Variants in FAM222B observed in about 807,000 individuals in gnomAD.
FAM222B encodes family with sequence similarity 222 member B, also known as protein FAM222B.
In FAM222B, 12 loss-of-function variants were observed where a neutral mutation model predicts 38.0. The ratio of observed to expected loss-of-function variants is 0.32; its 90% confidence interval spans 0.20 to 0.51. The LOEUF is 0.51. Among genes scored for constraint, FAM222B ranks in the 20% least tolerant of loss-of-function variants. FAM222B has a pLI of 0.97. For synonymous variants in FAM222B, 329 were observed against 317.2 expected (o/e 1.04, Z -0.40); for missense variants, 716 against 754.2 (o/e 0.95, Z 0.59).
chr17:28,764,679 G>A (rs569712706), intron 2 of FAM222B, among the ~76,000 whole-genome samples: 4 of 151,944 alleles, frequency 2.6e-5, no homozygotes, highest in African/African-American at 9.7e-5. Flanking sequence ...CCCAGAAGGC[G>A]GAGGTTGCGT....
chr17:28,813,209 T>A (rs2037882061), intron 1 of FAM222B, among the ~76,000 whole-genome samples: 2 of 148,698 alleles, frequency 1.3e-5, no homozygotes. Context: ...AAACATCCAA[T>A]GTATTTAGCT....
At chr17:28,821,220 C>T (rs867920184) in intron 1 of FAM222B, among the ~76,000 whole-genome samples, 7 of 151,942 alleles carry the variant, frequency 4.6e-5, no homozygotes, top group Middle Eastern at 3.2e-3. Context: ...TCCCAAAGTG[C>T]GGGATTACAG....
In FAM222B at chr17:28,756,430, G is replaced by C. The variant is rs1327304840; in HGVS notation, c.*1840C>G. On this transcript the variant is annotated 3_prime_UTR_variant, in exon 3 of 3. Coordinates refer to ENST00000581407, the MANE Select transcript of FAM222B (RefSeq NM_001077498.3). ...CCTAAAATAGCAGCTCACCTTTCAG[G>C]GAGAGGTATTGGGGAGGAAAAAAAA... 6.6e-6 allele frequency: 1 copy of C among 152,562 alleles called. No individual in the cohort carries two copies. The highest frequency in any genetic ancestry group is 1.9e-4 in the East Asian group (1 of 5,206). 9.5% of individuals were successfully genotyped at this position (152,562 alleles called of 1,614,324 possible). A position where few individuals can be genotyped will look rare whatever the true frequency, so the allele number is the denominator to read the frequency against.
Position 28,758,793 on chromosome 17 carries a change from G to A in FAM222B, c.1166C>T (p.Thr389Ile), listed in dbSNP as rs758943759. 1 of 1,577,526 alleles carries A rather than the reference G, an allele frequency of 6.3e-7. No homozygotes were observed. Among genetic ancestry groups the A allele is most frequent in the South Asian group, 1.1e-5 (1 of 86,962 alleles). Residue 389 changes from threonine to isoleucine, a missense_variant, in exon 3 of 3, where the codon ACA becomes ATA. Transcript: ENST00000581407. ...CTCGCGTCCTGCCGCATGCTTGCCT[G>A]TCAGGCCAGGGGCTGGCGTCCCACT... ...EASGTPAPGL[T>I]GKHAAGRELA... is the part of the protein sequence containing the mutation.
chr17:28,777,409 G>T (rs1415941226), intron 1 of FAM222B, among the ~76,000 whole-genome samples: 1 of 152,076 alleles, frequency 6.6e-6, no homozygotes, highest in Non-Finnish European at 1.5e-5. Flanking sequence ...CTCTGTCCGG[G>T]ATCTACTTAT....
At chr17:28,816,756 T>C (rs566990319) in intron 1 of FAM222B, among the ~76,000 whole-genome samples, 3 of 152,218 alleles carry the variant, frequency 2.0e-5, no homozygotes, top group South Asian at 2.1e-4. Flanking sequence ...ACACAGAGCA[T>C]AGAAACTTTG....
chr17:28,801,515 C>G (rs1021375497), intron 1 of FAM222B, among the ~76,000 whole-genome samples: 2 of 150,830 alleles, frequency 1.3e-5, no homozygotes, highest in Non-Finnish European at 3.0e-5. Context: ...AAAGCCAAAC[C>G]AGTATCTTTA....
At chr17:28,806,978 G>C (rs933985003) in intron 1 of FAM222B, among the ~76,000 whole-genome samples, 7 of 151,822 alleles carry the variant, frequency 4.6e-5, no homozygotes, top group African/African-American at 1.7e-4. Context: ...TAATTCACTG[G>C]ATAAAAACTA....
At chr17:28,796,994 CTTTTTTTTTT>C (rs34242589) in intron 1 of FAM222B, among the ~76,000 whole-genome samples, 2 of 81,606 alleles carry the variant, frequency 2.5e-5, no homozygotes, top group Non-Finnish European at 4.6e-5. Context: ...GTGGCTATTG[CTTTTTTTTTT>C]TTTTTTTTTT....
chr17:28,767,996 T>C (rs1208453351), intron 1 of FAM222B, among the ~76,000 whole-genome samples: 1 of 152,098 alleles, frequency 6.6e-6, no homozygotes, highest in African/African-American at 2.4e-5. Context: ...AATCCTGACA[T>C]GTCAAGACCG....
At chr17:28,845,266 T>C (rs1183205793), upstream of FAM222B, among the ~76,000 whole-genome samples, 2 of 151,626 alleles carry the variant, frequency 1.3e-5, no homozygotes, top group African/African-American at 4.9e-5. Context: ...CCGGGCATGG[T>C]GGCGGGCCCC....
chr17:28,794,472 A>C (rs981912643), intron 1 of FAM222B, among the ~76,000 whole-genome samples: 1 of 151,984 alleles, frequency 6.6e-6, no homozygotes, highest in Admixed American at 6.6e-5. Flanking sequence ...TGCCCGCCTC[A>C]GCCTCCAAAA....
rs1278823343 is a variant in FAM222B, at chr17:28,757,401, T to C, written c.*869A>G. 6.6e-6 allele frequency: 1 copy of C among 151,686 alleles called. No homozygotes were observed. The highest frequency in any genetic ancestry group is 2.4e-5 in the African/African-American group (1 of 41,202). 9.4% of individuals were successfully genotyped at this position (151,686 alleles called of 1,614,324 possible). ...ATTTTTTTTTTTTTGGTGTTTTTAA[T>C]CCCAAACTCCAATGTGATCATTCCT... On this transcript the variant is annotated 3_prime_UTR_variant, in exon 3 of 3. Transcript: ENST00000581407.
At chr17:28,831,475 T>C (rs1337386194) in intron 1 of FAM222B, among the ~76,000 whole-genome samples, 2 of 151,352 alleles carry the variant, frequency 1.3e-5, no homozygotes, top group Non-Finnish European at 2.9e-5. Context: ...TGCCTTTCCA[T>C]ATAAATTTTA....
chr17:28,790,883 A>AAATTTTTTT (rs1567838640), intron 1 of FAM222B, among the ~76,000 whole-genome samples: 12 of 8,904 alleles, frequency 1.3e-3, no homozygotes, highest in African/African-American at 5.9e-3. Flanking sequence ...AAATTGTTTC[A>AAATTTTTTT]CTTTTTTTTT....
chr17:28,845,819 C>T (rs892587979), upstream of FAM222B, among the ~76,000 whole-genome samples: 8 of 150,518 alleles, frequency 5.3e-5, no homozygotes, highest in East Asian at 2.0e-4. Flanking sequence ...CAATTGAACC[C>T]GGGAGGTGGA....
At chr17:28,788,619 A>G (rs1408871211) in intron 1 of FAM222B, among the ~76,000 whole-genome samples, 2 of 152,220 alleles carry the variant, frequency 1.3e-5, no homozygotes, top group South Asian at 2.1e-4. Context: ...AAGTCCCACC[A>G]AACAAGTCAT....
At chr17:28,841,994 A>G (rs561047280) in intron 1 of FAM222B, among the ~76,000 whole-genome samples, 2 of 152,338 alleles carry the variant, frequency 1.3e-5, no homozygotes, top group South Asian at 4.1e-4. Flanking sequence ...GGTAAGGTCT[A>G]AATTCCACTA....
intron 1 of FAM222B, among the ~76,000 whole-genome samples, chr17:28,783,763 G>A (rs1462207935): frequency 1.3e-5 from 2 of 151,416 alleles, no homozygotes; most frequent in East Asian, 1.9e-4. Context: ...CACCTGCCTC[G>A]GCCTCCCAAA....
Sources: allele counts gnomAD v4.1 joint callset (sites outside exome capture counted in the v4.1 genomes callset), GRCh38; gene constraint gnomAD v4.1.1; transcripts MANE v1.5; gene names NCBI Gene and HGNC (gene_info 2026-07-23, HGNC 2026-07-21).